NOTCH1: variants seen among roughly 807,000 people sequenced by gnomAD.
NOTCH1 encodes notch receptor 1, also known as neurogenic locus notch homolog protein 1.
NOTCH1 carries 37 observed loss-of-function variants against 254.8 expected under a neutral mutation model. The ratio of observed to expected loss-of-function variants is 0.15; its 90% CI spans 0.11 to 0.19. The LOEUF is 0.19. Ranked by LOEUF, NOTCH1 falls within the 10% of genes least tolerant of loss-of-function variation. The pLI, the probability that NOTCH1 is intolerant of heterozygous loss-of-function variation, is 1.00. For synonymous variants in NOTCH1, 1,731 were observed against 1,618.1 expected, an observed-to-expected ratio of 1.07 and a Z score of -1.68; for missense variants, 2,972 against 3,708.6, an observed-to-expected ratio of 0.80 and a Z score of 5.16.
At chr9:136,514,741 C>G (rs1305181032) in intron 12 of NOTCH1, 39 bp from the exon 13 acceptor site, 1 of 1,593,578 alleles carries the variant, frequency 6.3e-7, no homozygotes, top group South Asian at 1.1e-5. Context: ...GCCCAGCGCC[C>G]AGGGGGTCCC....
rs570445776 is a variant in NOTCH1 at position 136,499,055 on chromosome 9, C to T, written c.6082+57G>A. 2.8e-5 allele frequency: 45 copies of T among 1,612,672 alleles called. No homozygotes were observed. In the East Asian group the frequency reaches 9.6e-4, roughly 34 times the overall value. On this transcript the variant is annotated intron_variant, in intron 32 of 33. Transcript: ENST00000651671. ...ACCAGCTGGAGGCAACCCAGTCCCA[C>T]CCGTCCCTGTGGCGGTCCCGCCCCA...
rs1016795647 is a variant in NOTCH1 at position 136,545,552 on chromosome 9, T to G, written c.61+174A>C. On this transcript the variant is annotated intron_variant, in intron 1 of 33. Coordinates refer to ENST00000651671, the MANE Select transcript of NOTCH1 (RefSeq NM_017617.5). This position sits in a 1 kb window ranked among gnomAD's most constrained non-coding sequence, Gnocchi z 6.8. The stretch of plus-strand genomic sequence containing the variant: ...TCCACGGGGGGATCGAGGGGGAAGG[T>G]CGGTCCTCCCTGATCCCGGGACTCC... Among the ~76,000 whole-genome samples the G allele has an allele frequency of 6.6e-5, 10 of 151,178 alleles. No homozygotes were observed. Among genetic ancestry groups the G allele is most frequent in the Admixed American group, 5.9e-4 (9 of 15,214 alleles).
intron 31 of NOTCH1, 38 bp from the exon 32 acceptor site, chr9:136,499,297 G>A (rs2133323406): frequency 6.2e-7 from 1 of 1,607,698 alleles, no homozygotes; most frequent in African/African-American, 1.3e-5. Context: ...GTGCTGGGCA[G>A]ACGTACACCG....
rs1388151941 is a variant in NOTCH1 at position 136,496,037 on chromosome 9, G to T, written c.*34C>A. 1 of 1,581,784 alleles carries T rather than the reference G, an allele frequency of 6.3e-7. No individual in the cohort carries two copies. ...GCGCACACAGACGCCCGAAGGCTTG[G>T]GAAAGGAAGCCGGGGTCTCGTGGGG... On this transcript the variant is annotated 3_prime_UTR_variant, in exon 34 of 34. Coordinates refer to ENST00000651671, the MANE Select transcript of NOTCH1 (RefSeq NM_017617.5).
Position 136,512,987 on chromosome 9 carries a change from G to A in NOTCH1, c.2467+34C>T, listed in dbSNP as rs375643075. 749 of 362,654 alleles carry A rather than the reference G, an allele frequency of 2.1e-3. 2 individuals carry two copies. The highest frequency in any genetic ancestry group is 3.3e-3 in the Non-Finnish European group (646 of 196,412). 22.5% of individuals were successfully genotyped at this position (362,654 alleles called of 1,614,324 possible). ...GTCCCGCCCCTCCCACATAGGCCCC[G>A]CCCCCTCCAGCACAGGCCCCACCCA... On this transcript the variant is annotated intron_variant, in intron 15 of 33. Coordinates refer to ENST00000651671, the MANE Select transcript of NOTCH1 (RefSeq NM_017617.5).
intron 31 of NOTCH1, among the ~76,000 whole-genome samples, chr9:136,500,179 C>T (rs1160236306): frequency 3.9e-5 from 6 of 152,222 alleles, no homozygotes; most frequent in Non-Finnish European, 8.8e-5. Flanking sequence ...CCACAGGCTA[C>T]GCCGGCAGCC....
chr9:136,508,773 C>T (rs1208233130), intron 19 of NOTCH1, 97 bp downstream of exon 19: 24 of 1,257,740 alleles, frequency 1.9e-5, no homozygotes, highest in Non-Finnish European at 2.4e-5. Context: ...GACCCCGAGC[C>T]GACACAGTGG....
rs927243245 is a variant in NOTCH1, at chr9:136,527,432, C to T, written c.141-3453G>A. Among the ~76,000 whole-genome samples, 31 of 152,260 alleles carry T rather than the reference C, an allele frequency of 2.0e-4. 1 individual carries two copies. Among genetic ancestry groups the T allele is most frequent in the Non-Finnish European group, 2.8e-4 (19 of 68,006 alleles). On this transcript the variant is annotated intron_variant, in intron 2 of 33. Coordinates refer to ENST00000651671, the MANE Select transcript of NOTCH1 (RefSeq NM_017617.5). ...CGCGAGGTGGGCGCCAGGGCTTGGC[C>T]GAGTGAGGTGGCACCCAACAGCTGC...
intron 31 of NOTCH1, among the ~76,000 whole-genome samples, 157 bp downstream of exon 31, chr9:136,500,395 C>G (rs1185758192): frequency 6.6e-6 from 1 of 152,250 alleles, no homozygotes; most frequent in African/African-American, 2.4e-5. Flanking sequence ...CCCCTCGCAC[C>G]TCGCTGACTG....
intron 2 of NOTCH1, among the ~76,000 whole-genome samples, chr9:136,532,780 G>A (rs1176216729): frequency 2.0e-5 from 3 of 152,334 alleles, no homozygotes; most frequent in South Asian, 2.1e-4. Flanking sequence ...GGGGTCGCAC[G>A]GCCCACGTGG....
rs757538884 is a variant in NOTCH1, at chr9:136,502,442, G to A, written c.5214C>T (p.Tyr1738=). Residue 1738 remains tyrosine, a synonymous_variant, in exon 28 of 34, where the codon TAC becomes TAT. Coordinates refer to ENST00000651671, the MANE Select transcript of NOTCH1 (RefSeq NM_017617.5). The part of the protein sequence containing the change: ...PPPPAQLHFM[Y]VAAAAFVLLF... ...GAAGCACAAAGGCGGCCGCCGCCAC[G>A]TACATGAAGTGCAGCTGCGCCGGCG... 1.3e-5 allele frequency: 21 copies of A among 1,606,044 alleles called. No individual in the cohort carries two copies. The highest frequency in any genetic ancestry group is 2.2e-5 in the East Asian group (1 of 44,688).
intron 4 of NOTCH1, 46 bp from the exon 5 acceptor site, chr9:136,519,611 C>G: frequency 6.2e-7 from 1 of 1,611,820 alleles, no homozygotes; most frequent in Non-Finnish European, 8.5e-7. Context: ...AGGTCCAGTC[C>G]GGCTCCTGCC....
chr9:136,501,692 GGA>G, intron 30 of NOTCH1, 54 bp downstream of exon 30: 1 of 1,597,252 alleles, frequency 6.3e-7, no homozygotes, highest in Non-Finnish European at 8.5e-7. Context: ...GGGGCTTAGG[GGA>G]GAGAGGCAGG....
In NOTCH1 at chr9:136,505,364, G is replaced by A. The variant is rs1843064095; in HGVS notation, c.4532C>T (p.Ser1511Leu). The change falls in exon 25 of 34, where the codon TCA becomes TTA. Residue 1511 changes from serine to leucine, a missense_variant. Ser to Leu is a moderately radical substitution (Grantham distance 145, BLOSUM62 -2). Transcript: ENST00000651671. ...SDGHCDSQCN[S>L]AGCLFDGFDC... ...AAAGCCGTCGAAGAGGCAGCCGGCT[G>A]AGTTGCACTGGCTGTCACAGTGGCC... The A allele has an allele frequency of 1.9e-6, 3 of 1,609,402 alleles. No individual in the cohort carries two copies. Among genetic ancestry groups the A allele is most frequent in the Middle Eastern group, 1.7e-4 (1 of 6,056 alleles).
In NOTCH1 at chr9:136,513,568, G is replaced by A. The variant is rs1471019749; in HGVS notation, c.2208-31C>T. On this transcript the variant is annotated intron_variant, in intron 13 of 33. Transcript: ENST00000651671. The surrounding 1 kb of genome is among the most constrained non-coding windows in gnomAD (Gnocchi z 4.7). ...AGGGGGACCACACTGCAGGTCGAGG[G>A]AGGCCCGAGCAGCACGGCCGGGGCC... is the stretch of plus-strand genomic sequence containing the variant. 40 of 1,612,102 alleles carry A rather than the reference G, an allele frequency of 2.5e-5. No individual in the cohort carries two copies. The highest frequency in any genetic ancestry group is 3.3e-5 in the Non-Finnish European group (39 of 1,179,758).
chr9:136,533,415 G>A (rs529012169), intron 2 of NOTCH1, among the ~76,000 whole-genome samples: 29 of 151,656 alleles, frequency 1.9e-4, no homozygotes, highest in Non-Finnish European at 2.5e-4. Context: ...GTTTCCGCTC[G>A]TCAACAGCTG....
intron 2 of NOTCH1, among the ~76,000 whole-genome samples, chr9:136,538,114 T>C (rs541788784): frequency 1.3e-5 from 2 of 152,184 alleles, no homozygotes; most frequent in East Asian, 3.9e-4. Flanking sequence ...TTTTGTAATA[T>C]GAATAAGTCA....
intron 2 of NOTCH1, among the ~76,000 whole-genome samples, chr9:136,538,168 C>T (rs1350013110): frequency 6.6e-6 from 1 of 152,228 alleles, no homozygotes; most frequent in Non-Finnish European, 1.5e-5. Flanking sequence ...CCAAACCAGT[C>T]CTTAGCTCCC....
chr9:136,530,394 A>G (rs1319868330), intron 2 of NOTCH1, among the ~76,000 whole-genome samples: 1 of 152,170 alleles, frequency 6.6e-6, no homozygotes, highest in African/African-American at 2.4e-5. Flanking sequence ...CCGGGAAGCT[A>G]CCTTTCCCGC....
Sources: allele counts gnomAD v4.1 joint callset (sites outside exome capture counted in the v4.1 genomes callset), GRCh38; gene constraint gnomAD v4.1.1; non-coding constraint Gnocchi (gnomAD v3.1); transcripts MANE v1.5; gene names NCBI Gene and HGNC (gene_info 2026-07-23, HGNC 2026-07-21).